GRM1: variants seen among roughly 807,000 people sequenced by gnomAD.
GRM1 encodes metabotropic glutamate receptor 1.
GRM1 carries 33 observed loss-of-function variants against 90.9 expected under a neutral mutation model. The observed-to-expected ratio is 0.36, with a 90% CI of 0.28 to 0.49. The LOEUF (loss-of-function observed/expected upper bound fraction) is 0.49, where lower values mean the gene tolerates loss of function less well. Among genes scored for constraint, GRM1 ranks in the 20% least tolerant of loss-of-function variants. The pLI is 0.99. For synonymous variants in GRM1, 700 were observed against 613.2 expected, an observed-to-expected ratio of 1.14 and a Z score of -2.09; for missense variants, 1,190 against 1,534.3, an observed-to-expected ratio of 0.78 and a Z score of 3.75.
intron 2 of GRM1, among the ~76,000 whole-genome samples, chr6:146,178,070 A>C (rs889459937): frequency 1.3e-5 from 2 of 152,182 alleles, no homozygotes; most frequent in Non-Finnish European, 2.9e-5. Flanking sequence ...ATTATAACAA[A>C]AGTCTATGTT....
chr6:146,226,693 G>A (rs1408509549), intron 2 of GRM1, among the ~76,000 whole-genome samples: 8 of 152,054 alleles, frequency 5.3e-5, no homozygotes, highest in South Asian at 2.1e-4. Context: ...ACAATTGATC[G>A]GTAGGTGGAT....
intron 2 of GRM1, among the ~76,000 whole-genome samples, chr6:146,224,115 A>C (rs1562539552): frequency 6.6e-6 from 1 of 152,106 alleles, no homozygotes. Flanking sequence ...GAAAAGCTAA[A>C]ATTCAACCAC....
chr6:146,208,536 T>C (rs976822441), intron 2 of GRM1, among the ~76,000 whole-genome samples: 1 of 152,148 alleles, frequency 6.6e-6, no homozygotes, highest in Admixed American at 6.5e-5. Flanking sequence ...ATCATCTAAA[T>C]AGATACTTAA....
At chr6:146,059,893 AAG>A (rs1246427409) in intron 1 of GRM1, among the ~76,000 whole-genome samples, 3 of 152,174 alleles carry the variant, frequency 2.0e-5, no homozygotes, top group African/African-American at 7.2e-5. Context: ...CATAGAATTG[AAG>A]AGAGTTAGAG....
Position 146,029,889 on chromosome 6 carries a change from G to A in GRM1, c.372G>A (p.Arg124=). 4 of 1,614,086 alleles carry A rather than the reference G, an allele frequency of 2.5e-6. No individual in the cohort carries two copies. The highest frequency in any genetic ancestry group is 3.4e-6 in the Non-Finnish European group (4 of 1,180,008). Residue 124 remains arginine, a synonymous_variant, in exon 1 of 8, where the codon AGG becomes AGA. Transcript: ENST00000282753. ...VALEQSIEFI[R]DSLISIRDEK... The stretch of plus-strand genomic sequence containing the variant: ...TGGAACAGAGCATTGAGTTCATTAG[G>A]GACTCTCTGATTTCCATTCGAGATG...
chr6:146,050,837 C>T (rs1288196219), intron 1 of GRM1, among the ~76,000 whole-genome samples: 5 of 151,958 alleles, frequency 3.3e-5, no homozygotes, highest in African/African-American at 7.2e-5. Context: ...GAAGGAATTC[C>T]GGTATTAGGC....
intron 7 of GRM1, among the ~76,000 whole-genome samples, chr6:146,418,545 T>A (rs908951114): frequency 6.6e-6 from 1 of 151,784 alleles, no homozygotes; most frequent in Non-Finnish European, 1.5e-5. Context: ...TGCATATACA[T>A]ACACACTATT....
intron 1 of GRM1, among the ~76,000 whole-genome samples, chr6:146,100,595 T>C (rs1323121738): frequency 6.6e-6 from 1 of 152,222 alleles, no homozygotes; most frequent in Non-Finnish European, 1.5e-5. Flanking sequence ...ATATATTTCT[T>C]TGGTCTAAAT....
chr6:146,064,853 G>A (rs1437791268), intron 1 of GRM1, among the ~76,000 whole-genome samples: 1 of 150,320 alleles, frequency 6.7e-6, no homozygotes. Flanking sequence ...AATATTTGAT[G>A]AGCCTAATAG....
intron 3 of GRM1, among the ~76,000 whole-genome samples, chr6:146,310,534 C>T (rs1289935244): frequency 6.6e-6 from 1 of 152,226 alleles, no homozygotes; most frequent in Non-Finnish European, 1.5e-5. Flanking sequence ...TACATTTCTT[C>T]ACCCCTTTTT....
At chr6:146,281,251 A>G (rs193283931) in intron 2 of GRM1, among the ~76,000 whole-genome samples, 309 of 152,320 alleles carry the variant, frequency 2.0e-3, no homozygotes, top group African/African-American at 7.0e-3. Flanking sequence ...TGTAACAGGA[A>G]GTAAACTAAC....
At chr6:146,213,684 TTAGATAGATAGATAGA>T (rs750265154) in intron 2 of GRM1, among the ~76,000 whole-genome samples, 25 of 146,432 alleles carry the variant, frequency 1.7e-4, no homozygotes, top group South Asian at 2.2e-4. Flanking sequence ...GATGGAAAGA[TTAGATAGATAGATAGA>T]TAGATAGATA....
chr6:146,029,430 T>G lies in GRM1; in HGVS notation c.-88T>G. The G allele has an allele frequency of 9.7e-7, 1 of 1,032,994 alleles. No homozygotes were observed. The highest frequency in any genetic ancestry group is 1.5e-6 in the Non-Finnish European group (1 of 652,736). The allele number at this position is 1,032,994 out of a possible 1,614,324, so 64.0% of individuals were successfully genotyped here. On this transcript the variant is annotated 5_prime_UTR_variant, in exon 1 of 8. Transcript: ENST00000282753. ...GGCACCACTCCGGGAGAGGCGGCGCTGGGCGTCTTGGGGGTGCGCGCCGGG... is the reference window on the plus strand; with the variant it reads ...GGCACCACTCCGGGAGAGGCGGCGCGGGGCGTCTTGGGGGTGCGCGCCGGG...
intron 2 of GRM1, among the ~76,000 whole-genome samples, chr6:146,255,997 TC>T (rs1420255644): frequency 6.6e-6 from 1 of 152,178 alleles, no homozygotes; most frequent in Non-Finnish European, 1.5e-5. Context: ...TCAAGCTGTA[TC>T]CTAACCAGTA....
intron 1 of GRM1, among the ~76,000 whole-genome samples, chr6:146,089,834 C>T (rs1214580878): frequency 6.6e-6 from 1 of 151,940 alleles, no homozygotes; most frequent in Non-Finnish European, 1.5e-5. Context: ...AAAGAGATAT[C>T]GCATTGTTAC....
intron 3 of GRM1, among the ~76,000 whole-genome samples, chr6:146,309,490 T>C (rs1194498742): frequency 6.6e-6 from 1 of 152,172 alleles, no homozygotes; most frequent in Admixed American, 6.5e-5. Context: ...ATGCATTCTT[T>C]TCATTTTATT....
rs530949349 is a variant in GRM1, at chr6:146,261,673, CTTATTA to C, written c.951-42925_951-42920del. ...GGAAAGTAGCCCTAAGCCTAACTGC[CTTATTA>C]TTATTATTATTAAGTTTCATATGTG... On this transcript the variant is annotated intron_variant, in intron 2 of 7. Coordinates refer to ENST00000282753, the MANE Select transcript of GRM1 (RefSeq NM_001278064.2). 4.0e-5 allele frequency among the ~76,000 whole-genome samples: 6 copies of C among 151,826 alleles called. No individual in the cohort carries two copies. In the East Asian group the frequency reaches 1.2e-3, roughly 29 times the overall value.
rs1202682027 is a variant in GRM1 at position 146,397,478 on chromosome 6, AAAAAAG to A, written c.1730-1285_1730-1280del. The stretch of plus-strand genomic sequence containing the variant: ...AACAGAGTGAGACCCCGTCTCAAAA[AAAAAAG>A]AAAAAAAAAAAAAAAAAAAAAGCAC... On this transcript the variant is annotated intron_variant, in intron 6 of 7. Coordinates refer to ENST00000282753, the MANE Select transcript of GRM1 (RefSeq NM_001278064.2). Among the ~76,000 whole-genome samples, 48 of 143,148 alleles carry A rather than the reference AAAAAAG, an allele frequency of 3.4e-4. 1 individual carries two copies. Among genetic ancestry groups the A allele is most frequent in the African/African-American group, 1.2e-3 (43 of 36,188 alleles). The allele number at this position is 143,148 out of a possible 152,430, so 93.9% of individuals were successfully genotyped here. A position where few individuals can be genotyped will look rare whatever the true frequency, so the allele number is the denominator to read the frequency against.
chr6:146,334,414 T>TA (rs528666615), intron 3 of GRM1, among the ~76,000 whole-genome samples: 31 of 152,276 alleles, frequency 2.0e-4, no homozygotes, highest in Admixed American at 1.2e-3. Context: ...CTCTGTTAAT[T>TA]AAAAAAATTC....
Sources: gnomAD v4.1 joint callset for allele counts (sites outside exome capture counted in the v4.1 genomes callset) on GRCh38, gnomAD v4.1.1 for gene constraint, MANE v1.5 for transcripts, NCBI Gene and HGNC (gene_info 2026-07-23, HGNC 2026-07-21) for gene names.